The following GLDN variants were observed in gnomAD, a reference collection of about 807,000 sequenced individuals.
The protein encoded by GLDN is collomin.
Under a neutral mutation model 56.5 loss-of-function variants are expected in GLDN, and 47 were observed. The observed-to-expected ratio is 0.83, with a 90% confidence interval of 0.66 to 1.06. GLDN has a LOEUF of 1.06. GLDN is among the 50% of genes least tolerant of loss of function. The pLI is 0.00. For missense variants in GLDN, 782 were observed against 714.3 expected, an observed-to-expected ratio of 1.09 and a Z score of -1.08; for synonymous variants, 332 against 278.8, an observed-to-expected ratio of 1.19 and a Z score of -1.90.
At chr15:51,370,099 G>A (rs1425241638) in intron 1 of GLDN, among the ~76,000 whole-genome samples, 2 of 152,298 alleles carry the variant, frequency 1.3e-5, no homozygotes, top group Admixed American at 1.3e-4. Context: ...CTCAGTGACA[G>A]AGCAAGCCAC....
At chr15:51,353,714 T>A (rs1973118) in intron 1 of GLDN, among the ~76,000 whole-genome samples, 18,321 of 71,498 alleles carry the variant, frequency 0.26, 2,846 homozygotes, top group African/African-American at 0.48. Context: ...CGGATTTGAT[T>A]AAAAAAAAAA....
At chr15:51,359,168 G>T (rs2037243408) in intron 1 of GLDN, among the ~76,000 whole-genome samples, 1 of 152,210 alleles carries the variant, frequency 6.6e-6, no homozygotes, top group Non-Finnish European at 1.5e-5. Flanking sequence ...GCCGTGGGAG[G>T]AGGAGGAGAC....
intron 9 of GLDN, among the ~76,000 whole-genome samples, chr15:51,402,762 G>A (rs1029350433): frequency 2.0e-5 from 3 of 152,152 alleles, no homozygotes; most frequent in African/African-American, 7.2e-5. Flanking sequence ...TGTAATATGC[G>A]ATATGATCAG....
At chr15:51,358,088 T>C (rs2141059800) in intron 1 of GLDN, among the ~76,000 whole-genome samples, 1 of 152,324 alleles carries the variant, frequency 6.6e-6, no homozygotes, top group African/African-American at 2.4e-5. Context: ...ATTACCACCT[T>C]TCCCATCTGG....
intron 1 of GLDN, among the ~76,000 whole-genome samples, chr15:51,370,635 TAA>T (rs61086666): frequency 0.12 from 17,331 of 147,158 alleles, 1,868 homozygotes; most frequent in African/African-American, 0.29. Flanking sequence ...CACAGAAAAG[TAA>T]AAAAAAAAAA....
In GLDN at chr15:51,406,377, G is replaced by C. The variant is rs2038383860; in HGVS notation, c.*1623G>C. On this transcript the variant is annotated 3_prime_UTR_variant, in exon 10 of 10. Transcript: ENST00000335449. Reference sequence around the variant, plus strand: ...TCCTGGGGCTCTGCAGCCAGGAAGGGGAACCAGGGCAAATCTTATGTAAAG... The same window carrying C: ...TCCTGGGGCTCTGCAGCCAGGAAGGCGAACCAGGGCAAATCTTATGTAAAG... 1 of 152,184 alleles carries C rather than the reference G, an allele frequency of 6.6e-6. No individual in the cohort carries two copies. Among genetic ancestry groups the C allele is most frequent in the Non-Finnish European group, 1.5e-5 (1 of 68,028 alleles). The allele number at this position is 152,184 out of a possible 1,614,324, so 9.4% of individuals were successfully genotyped here.
intron 1 of GLDN, among the ~76,000 whole-genome samples, chr15:51,344,886 T>G (rs1798077950): frequency 6.6e-6 from 1 of 152,178 alleles, no homozygotes; most frequent in Admixed American, 6.5e-5. Context: ...ATGACTTCAT[T>G]AAAAAGGCAA....
At chr15:51,369,950 T>C (rs2037481664) in intron 1 of GLDN, among the ~76,000 whole-genome samples, 1 of 152,084 alleles carries the variant, frequency 6.6e-6, no homozygotes, top group South Asian at 2.1e-4. Context: ...ATTCTATCAC[T>C]ACAAAAAGTA....
intron 1 of GLDN, among the ~76,000 whole-genome samples, chr15:51,368,393 T>G (rs1258990486): frequency 6.6e-6 from 1 of 151,928 alleles, no homozygotes; most frequent in Non-Finnish European, 1.5e-5. Flanking sequence ...CTGAGAAAGA[T>G]TCTGCTGGAC....
At chr15:51,349,494 G>A (rs1325506952) in intron 1 of GLDN, among the ~76,000 whole-genome samples, 1 of 152,220 alleles carries the variant, frequency 6.6e-6, no homozygotes, top group East Asian at 1.9e-4. Context: ...ATAATATTGT[G>A]TGACATGTGA....
intron 4 of GLDN, among the ~76,000 whole-genome samples, chr15:51,393,693 G>C (rs1477498855): frequency 6.6e-6 from 1 of 152,182 alleles, no homozygotes; most frequent in Non-Finnish European, 1.5e-5. Flanking sequence ...TAGTGAGATT[G>C]ACAGGCTATT....
intron 1 of GLDN, among the ~76,000 whole-genome samples, chr15:51,356,237 G>A (rs1268364876): frequency 6.6e-6 from 1 of 151,448 alleles, no homozygotes; most frequent in Non-Finnish European, 1.5e-5. Context: ...CTAACCTCCT[G>A]GGAAGGCAGC....
downstream of GLDN, among the ~76,000 whole-genome samples, chr15:51,411,782 CTATTTT>C (rs1356841215): frequency 3.3e-5 from 5 of 152,180 alleles, no homozygotes; most frequent in Non-Finnish European, 7.4e-5. Context: ...ACAGTAAAAA[CTATTTT>C]TAGTTTGCAG....
chr15:51,365,356 A>G (rs1361125571), intron 1 of GLDN, among the ~76,000 whole-genome samples: 1 of 152,100 alleles, frequency 6.6e-6, no homozygotes, highest in Non-Finnish European at 1.5e-5. Context: ...TAGGAAAGTT[A>G]TTAATTTTTT....
At chr15:51,398,200 C>A (rs558047641) in intron 6 of GLDN, among the ~76,000 whole-genome samples, 1 of 152,230 alleles carries the variant, frequency 6.6e-6, no homozygotes, top group East Asian at 1.9e-4. Context: ...CTCTGCCTAA[C>A]TGTAAAGTCC....
At chr15:51,385,916 CAG>C (rs2037880592) in intron 4 of GLDN, among the ~76,000 whole-genome samples, 1 of 152,080 alleles carries the variant, frequency 6.6e-6, no homozygotes, top group African/African-American at 2.4e-5. Context: ...GATTTGTACT[CAG>C]AGAAAAACGG....
At chr15:51,401,514 A>G in intron 8 of GLDN, 79 bp from the exon 9 acceptor site, 1 of 1,374,170 alleles carries the variant, frequency 7.3e-7, no homozygotes, top group Non-Finnish European at 1.0e-6. Flanking sequence ...CCCGCCTTTG[A>G]AATTCCTCCC....
chr15:51,366,182 A>G (rs981546864), intron 1 of GLDN, among the ~76,000 whole-genome samples: 12 of 152,314 alleles, frequency 7.9e-5, no homozygotes, highest in African/African-American at 2.9e-4. Context: ...GAGAAGAACA[A>G]TCCAAACACA....
At chr15:51,363,176 C>A (rs772243169) in intron 1 of GLDN, among the ~76,000 whole-genome samples, 20 of 152,152 alleles carry the variant, frequency 1.3e-4, no homozygotes, top group Middle Eastern at 3.4e-3. Context: ...GGAGGGGGTG[C>A]CAGCTGGAGG....
Sources: allele counts gnomAD v4.1 joint callset (sites outside exome capture counted in the v4.1 genomes callset), GRCh38; gene constraint gnomAD v4.1.1; transcripts MANE v1.5; gene names NCBI Gene and HGNC (gene_info 2026-07-23, HGNC 2026-07-21).